The following CELF2 variants were observed in gnomAD, a reference collection of about 807,000 sequenced individuals.
The protein encoded by CELF2 is CUGBP Elav-like family member 2.
Under a neutral mutation model 62.6 loss-of-function variants are expected in CELF2, and 8 were observed. That is an observed-to-expected ratio of 0.13 (90% CI 0.07 to 0.23). The LOEUF is 0.23. CELF2 is among the 10% of genes least tolerant of loss of function. The pLI, the probability that CELF2 is intolerant of heterozygous loss-of-function variation, is 1.00. For missense variants in CELF2, 333 were observed against 671.0 expected, an observed-to-expected ratio of 0.50 and a Z score of 5.56; for synonymous variants, 258 against 250.0, an observed-to-expected ratio of 1.03 and a Z score of -0.30.
chr10:11,299,600 G>A (rs189615777), intron 9 of CELF2, among the ~76,000 whole-genome samples: 1 of 152,300 alleles, frequency 6.6e-6, no homozygotes, highest in East Asian at 1.9e-4. Context: ...TACAGCTGCT[G>A]TTATGTATCC....
chr10:10,792,634 T>C, the CELF2 span: 29 of 390,706 alleles, frequency 7.4e-5, no homozygotes, highest in Admixed American at 1.8e-4. Flanking sequence ...CCCTGGTCTA[T>C]GATATGGAGA....
intron 2 of CELF2, among the ~76,000 whole-genome samples, chr10:11,176,601 G>T (rs1324398202): frequency 6.6e-6 from 1 of 152,188 alleles, no homozygotes; most frequent in Non-Finnish European, 1.5e-5. Context: ...AATGTTGAAT[G>T]TAAGTTGCCT....
At chr10:11,079,810 T>A (rs555968325) in intron 1 of CELF2, among the ~76,000 whole-genome samples, 4 of 147,542 alleles carry the variant, frequency 2.7e-5, no homozygotes, top group Non-Finnish European at 6.0e-5. Flanking sequence ...CACTCACCTT[T>A]CCCTCTTGGG....
At chr10:10,499,735 G>T in the CELF2 span, among the ~76,000 whole-genome samples, 192 of 152,224 alleles carry the variant, frequency 1.3e-3, 3 homozygotes, top group Admixed American at 0.012. Context: ...AAAATTAGCC[G>T]GGCGTGGTGG....
chr10:10,611,174 G>A, the CELF2 span, among the ~76,000 whole-genome samples: 6,597 of 152,118 alleles, frequency 0.043, 421 homozygotes, highest in African/African-American at 0.14. Flanking sequence ...GCCTCATGCA[G>A]ATGCGGCCAG....
chr10:10,560,722 G>A, the CELF2 span, among the ~76,000 whole-genome samples: 11 of 152,144 alleles, frequency 7.2e-5, no homozygotes, highest in East Asian at 3.8e-4. Flanking sequence ...ACTTGTACAC[G>A]CATGTTTATA....
chr10:10,993,227 C>T lies in CELF2; in HGVS notation c.89+73228C>T, dbSNP rs1008903829. On this transcript the variant is annotated intron_variant, in intron 2 of 13. Coordinates refer to the CELF2 transcript ENST00000636488. This position sits in a 1 kb window ranked among gnomAD's most constrained non-coding sequence, Gnocchi z 5.3. The stretch of plus-strand genomic sequence containing the variant: ...GATCTCCCAAGAATCTTGTGTCTCA[C>T]CCTAACTAGAAATATCTTTAAATGA... Among the ~76,000 whole-genome samples the T allele has an allele frequency of 1.1e-4, 17 of 152,068 alleles. No homozygotes were observed. Among genetic ancestry groups the T allele is most frequent in the African/African-American group, 7.2e-5 (3 of 41,426 alleles).
chr10:11,285,713 G>A lies in CELF2; in HGVS notation c.842-2705G>A, dbSNP rs933538797. Among the ~76,000 whole-genome samples the A allele has an allele frequency of 4.6e-5, 7 of 152,112 alleles. No homozygotes were observed. The highest frequency in any genetic ancestry group is 1.0e-4 in the Non-Finnish European group (7 of 68,034). ...AAATAATGGGGAAAACTAAAACCTT[G>A]GCTAGCTCTGTACAGACAATACTCT... On this transcript the variant is annotated intron_variant, in intron 8 of 12. Transcript: ENST00000633077. This position sits in a 1 kb window ranked among gnomAD's most constrained non-coding sequence, Gnocchi z 4.3.
chr10:11,261,990 C>T (rs2080793328), intron 5 of CELF2, among the ~76,000 whole-genome samples: 4 of 152,190 alleles, frequency 2.6e-5, no homozygotes, highest in Non-Finnish European at 5.9e-5. Context: ...GGGTTTTCTG[C>T]ACCGTGGCAG....
At position 10,918,990 on chromosome 10, in the gene CELF2, G is replaced by A. The variant is rs1176530866; in HGVS notation, c.54-974G>A. On this transcript the variant is annotated intron_variant, in intron 1 of 13. Transcript: ENST00000636488. ...TTTCTGATTGAAAGACAAGAGATGG[G>A]CCAGGTGCGGTGGCTCACACCTGTA... Among the ~76,000 whole-genome samples the A allele has an allele frequency of 2.0e-5, 3 of 152,088 alleles. No individual in the cohort carries two copies. In the East Asian group the frequency reaches 5.8e-4, roughly 29 times the overall value.
chr10:10,546,296 C>G, the CELF2 span, among the ~76,000 whole-genome samples: 2 of 152,142 alleles, frequency 1.3e-5, no homozygotes, highest in African/African-American at 4.8e-5. Flanking sequence ...GTTCATTAAA[C>G]CCACCGAATT....
chr10:10,634,823 G>A, the CELF2 span, among the ~76,000 whole-genome samples: 5 of 151,986 alleles, frequency 3.3e-5, no homozygotes, highest in African/African-American at 1.2e-4. Flanking sequence ...CACCATGCCT[G>A]GCTAATCTTT....
intron 7 of CELF2, among the ~76,000 whole-genome samples, chr10:11,273,691 C>A (rs916419445): frequency 2.0e-5 from 3 of 151,990 alleles, no homozygotes; most frequent in African/African-American, 7.3e-5. Flanking sequence ...GTTTCACGAG[C>A]CCCAAATAAA....
chr10:10,922,739 A>C (rs765202861), intron 2 of CELF2: 5 of 152,220 alleles, frequency 3.3e-5, no homozygotes, highest in Non-Finnish European at 7.3e-5. Context: ...GAAAATAAAC[A>C]ACATGCCGAC....
chr10:10,839,445 T>A (rs773344235), intron 1 of CELF2, among the ~76,000 whole-genome samples: 54 of 152,236 alleles, frequency 3.5e-4, no homozygotes, highest in Non-Finnish European at 4.8e-4. Flanking sequence ...CATCCATTTA[T>A]GTATACATTC....
the CELF2 span, among the ~76,000 whole-genome samples, chr10:10,769,063 T>C: frequency 6.6e-6 from 1 of 152,208 alleles, no homozygotes; most frequent in African/African-American, 2.4e-5. Context: ...GTTTTTCCTC[T>C]CTTCATCCTT....
the CELF2 span, among the ~76,000 whole-genome samples, chr10:10,735,667 A>C: frequency 6.6e-6 from 1 of 152,202 alleles, no homozygotes; most frequent in Non-Finnish European, 1.5e-5. Context: ...TTAAAGAAGT[A>C]GCTTCTTATT....
rs144397891 is a variant in CELF2 at position 10,941,084 on chromosome 10, G to A, written c.89+21085G>A. Among the ~76,000 whole-genome samples, 166 of 152,310 alleles carry A rather than the reference G, an allele frequency of 1.1e-3. 2 individuals are homozygous for A. The highest frequency in any genetic ancestry group is 2.3e-3 in the South Asian group (11 of 4,824). On this transcript the variant is annotated intron_variant, in intron 2 of 13. Transcript: ENST00000636488. ...ACACCAGAGGAAAAGGGGGCTCACA[G>A]AAAAGCAGCATTGAGCATGCAGAAA... is the stretch of plus-strand genomic sequence containing the variant.
At chr10:10,778,271 G>A in the CELF2 span, among the ~76,000 whole-genome samples, 2 of 152,188 alleles carry the variant, frequency 1.3e-5, no homozygotes, top group Non-Finnish European at 2.9e-5. Flanking sequence ...GGGCCAGATT[G>A]GCAAGAATAT....
Sources: gnomAD v4.1 joint callset for allele counts (sites outside exome capture counted in the v4.1 genomes callset) on GRCh38, gnomAD v4.1.1 for gene constraint, Gnocchi (gnomAD v3.1) non-coding constraint, MANE v1.5 for transcripts, NCBI Gene and HGNC (gene_info 2026-07-23, HGNC 2026-07-21) for gene names.